KIF4A: variants seen among roughly 807,000 people sequenced by gnomAD.
KIF4A encodes chromosome-associated kinesin KIF4A.
Under a neutral mutation model 105.9 loss-of-function variants are expected in KIF4A, and 7 were observed. The ratio of observed to expected loss-of-function variants is 0.07; its 90% CI spans 0.04 to 0.12. The LOEUF (loss-of-function observed/expected upper bound fraction) is 0.12, where lower values mean the gene tolerates loss of function less well. KIF4A is among the 10% of genes least tolerant of loss of function. The pLI is 1.00. For synonymous variants in KIF4A, 281 were observed against 331.3 expected (o/e 0.85, Z 1.65); for missense variants, 558 against 929.2 (o/e 0.60, Z 5.19).
chrX:70,371,899 C>T (rs190613090), intron 15 of KIF4A, among the ~76,000 whole-genome samples: 5,246 of 102,456 alleles, frequency 0.051, 154 homozygotes, highest in East Asian at 0.13. Flanking sequence ...GGGCGGTTGC[C>T]AGGCGGAGGG....
At chrX:70,405,968 CTT>C in intron 26 of KIF4A, 63 bp downstream of exon 26, 1 of 906,260 alleles carries the variant, frequency 1.1e-6, no homozygotes, top group Non-Finnish European at 1.6e-6. Context: ...GAGGCCAGCT[CTT>C]GGGACCAACC....
intron 22 of KIF4A, among the ~76,000 whole-genome samples, chrX:70,396,623 T>C (rs989215066): frequency 8.9e-6 from 1 of 112,041 alleles, no homozygotes. Flanking sequence ...AATAACAGAA[T>C]TTTAGAGGAA....
At chrX:70,409,688 T>C (rs1427779662) in intron 28 of KIF4A, among the ~76,000 whole-genome samples, 1 of 108,351 alleles carries the variant, frequency 9.2e-6, no homozygotes, top group Non-Finnish European at 1.9e-5. Flanking sequence ...TCGCAGCTAC[T>C]TGGGAGGCTG....
At chrX:70,362,155 A>C (rs1341025214) in intron 15 of KIF4A, 1 of 228,357 alleles carries the variant, frequency 4.4e-6, no homozygotes, top group African/African-American at 2.9e-5. Context: ...GTCTCTAGTG[A>C]CTTATGAGGC....
At chrX:70,372,488 C>T (rs1277281342) in intron 15 of KIF4A, among the ~76,000 whole-genome samples, 2 of 114,017 alleles carry the variant, frequency 1.8e-5, no homozygotes, top group African/African-American at 3.2e-5. Flanking sequence ...CAAAAAAATA[C>T]GAAAACCAGT....
At chrX:70,403,819 G>A (rs2086290529) in intron 23 of KIF4A, 45 bp from the exon 24 acceptor site, 2 of 1,103,198 alleles carry the variant, frequency 1.8e-6, no homozygotes, top group Admixed American at 2.7e-5. Flanking sequence ...GGGAAAGAAA[G>A]GTGGTCATTC....
intron 22 of KIF4A, among the ~76,000 whole-genome samples, chrX:70,400,150 C>T (rs2086275506): frequency 1.9e-5 from 2 of 104,772 alleles, no homozygotes; most frequent in Non-Finnish European, 3.9e-5. Flanking sequence ...TTAGGTATAT[C>T]TCCCAATGCT....
intron 15 of KIF4A, among the ~76,000 whole-genome samples, chrX:70,366,653 G>A (rs976160755): frequency 8.0e-5 from 9 of 112,010 alleles, no homozygotes; most frequent in African/African-American, 2.9e-4. Context: ...ATTTGCTGAG[G>A]AGTGCTTTAC....
intron 7 of KIF4A, among the ~76,000 whole-genome samples, chrX:70,325,342 A>G (rs1323121688): frequency 9.0e-6 from 1 of 111,091 alleles, no homozygotes; most frequent in African/African-American, 3.3e-5. Context: ...CAGTGGCACA[A>G]TCTTGGCTCA....
In KIF4A at chrX:70,405,850, G is replaced by A. The variant is rs775893969; in HGVS notation, c.2921G>A (p.Arg974Gln). The change falls in exon 26 of 31, where the codon CGA (arginine) becomes CAA (glutamine). Residue 974 changes from arginine (R) to glutamine (Q), a missense_variant. Physicochemically the swap from Arg to Gln is conservative, Grantham distance 43. This residue lies in a region of KIF4A where 469 missense variants were observed against 680.4 expected (regional missense o/e 0.69). Transcript: ENST00000374403. ...KCQDEELEKM[R>Q]EVCEQNQQLL... ...TAGGATGAAGAACTTGAGAAAATGC[G>A]AGAAGTGTGTGAGCAAAATCAGCAG... 7.5e-6 allele frequency: 9 copies of A among 1,206,743 alleles called. No individual in the cohort carries two copies. The South Asian group carries it at 1.2e-4, about 17-fold the overall frequency.
chrX:70,330,154 C>T lies in KIF4A; in HGVS notation c.896-3C>T. 1 of 1,165,698 alleles carries T rather than the reference C, an allele frequency of 8.6e-7. No homozygotes were observed. The highest frequency in any genetic ancestry group is 1.1e-6 in the Non-Finnish European group (1 of 872,333). ...TTCGTTATTCTTTATTGTTCTTTTTCAGATTCTCTAGGAGGTAATAGCCAT... is the reference window on the plus strand; with the variant it reads ...TTCGTTATTCTTTATTGTTCTTTTTTAGATTCTCTAGGAGGTAATAGCCAT... On this transcript the variant is annotated splice_region_variant and splice_polypyrimidine_tract_variant and intron_variant, in intron 8 of 30. Coordinates refer to ENST00000374403, the MANE Select transcript of KIF4A (RefSeq NM_012310.5).
rs751831813 is a variant in KIF4A, at chrX:70,414,606, G to A, written c.3256-3282G>A. The stretch of plus-strand genomic sequence containing the variant: ...CATGTCATGTGGCAAATCATTGAGG[G>A]AACTAGGTACATTTAACTTTGAGAG... On this transcript the variant is annotated intron_variant, in intron 28 of 30. Coordinates refer to ENST00000374403, the MANE Select transcript of KIF4A (RefSeq NM_012310.5). Among the ~76,000 whole-genome samples, 4 of 112,200 alleles carry A rather than the reference G, an allele frequency of 3.6e-5. No individual in the cohort carries two copies. The South Asian group carries it at 1.5e-3, about 42-fold the overall frequency.
intron 7 of KIF4A, among the ~76,000 whole-genome samples, chrX:70,316,826 T>C (rs1036903695): frequency 8.9e-6 from 1 of 111,982 alleles, no homozygotes; most frequent in South Asian, 3.7e-4. Flanking sequence ...TTTCACTCAA[T>C]GTAAGATCTC....
At chrX:70,376,797 T>C (rs1333086895) in intron 18 of KIF4A, among the ~76,000 whole-genome samples, 1 of 112,107 alleles carries the variant, frequency 8.9e-6, no homozygotes, top group Non-Finnish European at 1.9e-5. Flanking sequence ...ATTTTGTTAG[T>C]AGCATAAAGA....
In KIF4A at chrX:70,341,831, T is replaced by G; in HGVS notation, c.1166T>G (p.Met389Arg). 2.5e-6 allele frequency: 3 copies of G among 1,211,451 alleles called. No individual in the cohort carries two copies. The highest frequency in any genetic ancestry group is 3.4e-6 in the Non-Finnish European group (3 of 895,075). Residue 389 changes from methionine (M) to arginine (R), a missense_variant, in exon 11 of 31, where the codon ATG (methionine) becomes AGG (arginine). Met to Arg is a moderately conservative substitution (Grantham distance 91). Around this residue, in one of 2 missense-constraint regions of KIF4A, gnomAD observed 469 missense variants for 680.4 expected, o/e 0.69. Transcript: ENST00000374403. ...VEPSENLQSL[M>R]EKNQSLVEEN... ...CCATCAGAGAATCTACAATCCCTGA[T>G]GGAGAAGAATCAGTCCCTGGTAGAG...
intron 10 of KIF4A, among the ~76,000 whole-genome samples, chrX:70,339,646 A>G (rs1263193511): frequency 8.8e-6 from 1 of 113,025 alleles, no homozygotes; most frequent in Non-Finnish European, 1.9e-5. Flanking sequence ...GAGACATTTT[A>G]TAAGGCTTGT....
chrX:70,364,069 C>G (rs1433849973), intron 15 of KIF4A, among the ~76,000 whole-genome samples: 1 of 112,059 alleles, frequency 8.9e-6, no homozygotes, highest in Admixed American at 9.5e-5. Context: ...TATCCTTTGA[C>G]CACTTGTTGA....
intron 13 of KIF4A, among the ~76,000 whole-genome samples, chrX:70,347,182 G>A (rs1015910961): frequency 1.1e-4 from 12 of 111,548 alleles, no homozygotes; most frequent in Admixed American, 3.8e-4. Flanking sequence ...TAACGGTACC[G>A]CCTACAAACA....
In KIF4A at chrX:70,420,424, G is replaced by A. The variant is rs185745753; in HGVS notation, c.*159G>A. 108 of 772,458 alleles carry A rather than the reference G, an allele frequency of 1.4e-4. 1 individual carries two copies. In the African/African-American group the frequency reaches 2.1e-3, roughly 15 times the overall value. 63.7% of individuals were successfully genotyped at this position (772,458 alleles called of 1,213,427 possible). On this transcript the variant is annotated 3_prime_UTR_variant, in exon 31 of 31. Coordinates refer to ENST00000374403, the MANE Select transcript of KIF4A (RefSeq NM_012310.5). The stretch of plus-strand genomic sequence containing the variant: ...AAAGAAGGTAACCTTTGTTGGATGT[G>A]GGCCTTAGCCTCCAGGTCCAGACTA...
Sources: allele counts gnomAD v4.1 joint callset (sites outside exome capture counted in the v4.1 genomes callset), GRCh38; gene constraint gnomAD v4.1.1; regional missense constraint gnomAD v4.1.1; transcripts MANE v1.5; gene names NCBI Gene and HGNC (gene_info 2026-07-23, HGNC 2026-07-21).